The following ANGPT1 variants were observed in gnomAD, a reference collection of about 807,000 sequenced individuals.
The protein encoded by ANGPT1 is angiopoietin 1, also known as angiopoietin-1.
Under a neutral mutation model 62.2 loss-of-function variants are expected in ANGPT1, and 17 were observed. The observed-to-expected ratio is 0.27, with a 90% CI of 0.19 to 0.41. The LOEUF (loss-of-function observed/expected upper bound fraction) is 0.41. Ranked by LOEUF, ANGPT1 falls within the 10% of genes least tolerant of loss-of-function variation. The pLI, the probability that ANGPT1 is intolerant of heterozygous loss-of-function variation, is 1.00. For missense variants in ANGPT1, 478 were observed against 594.9 expected (o/e 0.80, Z 2.04); for synonymous variants, 199 against 198.9 (o/e 1.00, Z 0.00).
intron 1 of ANGPT1, among the ~76,000 whole-genome samples, chr8:107,364,805 A>G (rs1016411793): frequency 6.6e-6 from 1 of 152,238 alleles, no homozygotes; most frequent in African/African-American, 2.4e-5. Flanking sequence ...TTAATCCAGA[A>G]AAACCTGTAA....
intron 1 of ANGPT1, among the ~76,000 whole-genome samples, chr8:107,355,781 T>C (rs1816032417): frequency 6.6e-6 from 1 of 152,184 alleles, no homozygotes; most frequent in Non-Finnish European, 1.5e-5. Flanking sequence ...TTTCTATTTC[T>C]AGAGCACCTG....
chr8:107,301,195 C>T (rs576073911), intron 5 of ANGPT1, among the ~76,000 whole-genome samples: 1 of 151,968 alleles, frequency 6.6e-6, no homozygotes, highest in South Asian at 2.1e-4. Flanking sequence ...GATCTGAAAA[C>T]TTTGGGAATT....
rs1171487130 is a variant in ANGPT1, at chr8:107,251,673, ACT to A, written c.*180_*181del. The A allele has an allele frequency of 2.9e-6, 2 of 683,644 alleles. No individual in the cohort carries two copies. The highest frequency in any genetic ancestry group is 2.4e-6 in the Non-Finnish European group (1 of 422,006). The allele number at this position is 683,644 out of a possible 1,614,324, so 42.3% of individuals were successfully genotyped here. ...GTGAGCACTGTCACCCCAAGTAGAG[ACT>A]CTTGTGAACTCAAACGGCTCCAGAT... On this transcript the variant is annotated 3_prime_UTR_variant, in exon 9 of 9. Transcript: ENST00000517746.
At chr8:107,290,351 A>G (rs1332517116) in intron 6 of ANGPT1, among the ~76,000 whole-genome samples, 2 of 152,150 alleles carry the variant, frequency 1.3e-5, no homozygotes, top group Non-Finnish European at 2.9e-5. Flanking sequence ...CCTAGTATAT[A>G]TAATAGTAGA....
chr8:107,275,893 C>G (rs1813852986), intron 7 of ANGPT1, among the ~76,000 whole-genome samples: 1 of 152,046 alleles, frequency 6.6e-6, no homozygotes, highest in Non-Finnish European at 1.5e-5. Context: ...TTAGCATTAC[C>G]CATTCTGTGA....
At chr8:107,435,176 G>A (rs1039015298) in intron 1 of ANGPT1, among the ~76,000 whole-genome samples, 6 of 152,106 alleles carry the variant, frequency 3.9e-5, no homozygotes, top group Non-Finnish European at 5.9e-5. Context: ...TTTGATTGTG[G>A]TGCAAACTGC....
chr8:107,372,149 T>C (rs1233305181), intron 1 of ANGPT1, among the ~76,000 whole-genome samples: 3 of 147,920 alleles, frequency 2.0e-5, no homozygotes, highest in African/African-American at 7.5e-5. Context: ...TGTTTCATTG[T>C]GTGTGCATGT....
At chr8:107,408,531 G>A (rs530005977) in intron 1 of ANGPT1, among the ~76,000 whole-genome samples, 8 of 152,224 alleles carry the variant, frequency 5.3e-5, no homozygotes, top group Non-Finnish European at 1.0e-4. Context: ...GGAGGGTGAG[G>A]GCTCTGCTGT....
At chr8:107,451,720 G>A (rs922507681) in intron 1 of ANGPT1, among the ~76,000 whole-genome samples, 2 of 151,882 alleles carry the variant, frequency 1.3e-5, no homozygotes, top group African/African-American at 2.4e-5. Context: ...TGCCATTGTG[G>A]AGGTCATCTT....
chr8:107,326,220 A>G (rs145382948), intron 3 of ANGPT1, among the ~76,000 whole-genome samples: 9 of 152,166 alleles, frequency 5.9e-5, no homozygotes, highest in African/African-American at 1.9e-4. Context: ...GACATTCCAC[A>G]GGATTTGGAA....
intron 1 of ANGPT1, among the ~76,000 whole-genome samples, chr8:107,469,217 T>C (rs1035901330): frequency 1.4e-4 from 21 of 152,176 alleles, no homozygotes; most frequent in Admixed American, 4.6e-4. Context: ...AGTACATTTT[T>C]AGTACCTGAA....
intron 1 of ANGPT1, among the ~76,000 whole-genome samples, chr8:107,393,267 G>T (rs768035863): frequency 1.3e-5 from 2 of 152,062 alleles, no homozygotes; most frequent in Non-Finnish European, 2.9e-5. Context: ...AACAAATATA[G>T]ATCAGTGGTT....
At chr8:107,432,535 G>A (rs935378103) in intron 1 of ANGPT1, among the ~76,000 whole-genome samples, 1 of 151,940 alleles carries the variant, frequency 6.6e-6, no homozygotes. Context: ...ATGGTGGCGG[G>A]TGACTGTAGT....
intron 7 of ANGPT1, among the ~76,000 whole-genome samples, chr8:107,279,748 C>T (rs1813954581): frequency 7.7e-6 from 1 of 129,892 alleles, no homozygotes; most frequent in Non-Finnish European, 1.6e-5. Flanking sequence ...CACACGTGTA[C>T]ACACACACAC....
intron 1 of ANGPT1, among the ~76,000 whole-genome samples, chr8:107,474,686 C>T (rs541232890): frequency 6.6e-6 from 1 of 152,244 alleles, no homozygotes; most frequent in African/African-American, 2.4e-5. Flanking sequence ...TAGAAAACCC[C>T]ATTGTCTCAG....
intron 6 of ANGPT1, among the ~76,000 whole-genome samples, chr8:107,292,935 G>C (rs762862896): frequency 2.6e-5 from 4 of 152,106 alleles, no homozygotes; most frequent in Non-Finnish European, 4.4e-5. Flanking sequence ...GAATTATCTA[G>C]AGGTTTCAGC....
rs1812800166 is a variant in ANGPT1 at position 107,485,838 on chromosome 8, G to A, written c.297+11424C>T. Among the ~76,000 whole-genome samples the A allele has an allele frequency of 3.3e-5, 5 of 152,300 alleles. No individual in the cohort carries two copies. The South Asian group carries it at 6.2e-4, about 19-fold the overall frequency. On this transcript the variant is annotated intron_variant, in intron 1 of 8. Coordinates refer to ENST00000517746, the MANE Select transcript of ANGPT1 (RefSeq NM_001146.5). ...GAAGATATTTAGAATAGGCGGCTTC[G>A]CCCCATGTAAAGCAATTGTAAGCCT...
At chr8:107,467,459 AC>A (rs1341519138) in intron 1 of ANGPT1, among the ~76,000 whole-genome samples, 4 of 152,030 alleles carry the variant, frequency 2.6e-5, no homozygotes, top group African/African-American at 7.2e-5. Flanking sequence ...ATAAAACAAA[AC>A]AAAAGAGTAT....
At chr8:107,401,260 G>GCTATTACTAAGTGA (rs1817041954) in intron 1 of ANGPT1, among the ~76,000 whole-genome samples, 2 of 149,134 alleles carry the variant, frequency 1.3e-5, no homozygotes, top group Non-Finnish European at 3.0e-5. Flanking sequence ...GTGATCTTCT[G>GCTATTACTAAGTGA]TCACTAAACA....
Sources: gnomAD v4.1 joint callset for allele counts (sites outside exome capture counted in the v4.1 genomes callset) on GRCh38, gnomAD v4.1.1 for gene constraint, MANE v1.5 for transcripts, NCBI Gene and HGNC (gene_info 2026-07-23, HGNC 2026-07-21) for gene names.